RIMS1: variants seen among roughly 807,000 people sequenced by gnomAD.
RIMS1 encodes regulating synaptic membrane exocytosis protein 1.
A neutral mutation model predicts 214.1 loss-of-function variants in RIMS1; 83 were observed. The observed-to-expected ratio is 0.39, with a 90% CI of 0.32 to 0.47. The LOEUF (loss-of-function observed/expected upper bound fraction) is 0.47, where lower values mean the gene tolerates loss of function less well. RIMS1 is among the 20% of genes least tolerant of loss of function. The pLI is 0.99. For synonymous variants in RIMS1, 793 were observed against 786.8 expected, an observed-to-expected ratio of 1.01 and a Z score of -0.13; for missense variants, 2,050 against 2,161.8, an observed-to-expected ratio of 0.95 and a Z score of 1.03.
intron 1 of RIMS1, among the ~76,000 whole-genome samples, chr6:71,953,975 G>T (rs1270624091): frequency 1.3e-5 from 2 of 152,156 alleles, no homozygotes. Flanking sequence ...AACAGGGTTA[G>T]AACATAGTGA....
intron 2 of RIMS1, among the ~76,000 whole-genome samples, chr6:71,993,091 G>A (rs938484583): frequency 6.6e-6 from 1 of 152,148 alleles, no homozygotes; most frequent in African/African-American, 2.4e-5. Context: ...AGGAAAAATT[G>A]GATTTAATAA....
intron 1 of RIMS1, among the ~76,000 whole-genome samples, chr6:71,925,213 G>C (rs1781251268): frequency 6.6e-6 from 1 of 152,106 alleles, no homozygotes; most frequent in South Asian, 2.1e-4. Context: ...AATTGGATTT[G>C]TCAGTTTGGA....
At chr6:72,298,813 A>G (rs967387271) in intron 26 of RIMS1, among the ~76,000 whole-genome samples, 1 of 151,514 alleles carries the variant, frequency 6.6e-6, no homozygotes, top group Non-Finnish European at 1.5e-5. Flanking sequence ...TAAACCTTCT[A>G]CATCTGGCCT....
At chr6:72,064,972 T>C (rs1828917075) in intron 2 of RIMS1, among the ~76,000 whole-genome samples, 2 of 152,248 alleles carry the variant, frequency 1.3e-5, no homozygotes, top group Non-Finnish European at 2.9e-5. Flanking sequence ...AATATTGTTA[T>C]TCATTTTCAG....
intron 6 of RIMS1, among the ~76,000 whole-genome samples, chr6:72,212,237 C>T (rs1236559446): frequency 6.6e-6 from 1 of 151,482 alleles, no homozygotes; most frequent in Admixed American, 6.6e-5. Context: ...TAGGAATATG[C>T]ATCTCATTTA....
At chr6:72,030,448 G>A (rs906868071) in intron 2 of RIMS1, among the ~76,000 whole-genome samples, 2 of 152,070 alleles carry the variant, frequency 1.3e-5, no homozygotes, top group African/African-American at 4.8e-5. Context: ...TGAAAGTAAT[G>A]TATTAAAACA....
chr6:72,304,404 G>A (rs1036899251), intron 26 of RIMS1, among the ~76,000 whole-genome samples: 1 of 151,698 alleles, frequency 6.6e-6, no homozygotes, highest in Non-Finnish European at 1.5e-5. Flanking sequence ...TAAGATACTA[G>A]AGAGACAGTC....
rs751870012 is a variant in RIMS1 at position 71,919,896 on chromosome 6, G to A, written c.164+32709G>A. 2.4e-4 allele frequency among the ~76,000 whole-genome samples: 36 copies of A among 152,228 alleles called. No homozygotes were observed. The Middle Eastern group carries it at 0.01, about 43-fold the overall frequency. ...GATCCTTTGCAATTGATGGATGATA[G>A]CCAAACAACATAAGTAACAACAAGC... On this transcript the variant is annotated intron_variant, in intron 1 of 33. Coordinates refer to ENST00000521978, the MANE Select transcript of RIMS1 (RefSeq NM_014989.7).
chr6:71,932,324 G>A (rs945451185), intron 1 of RIMS1, among the ~76,000 whole-genome samples: 2 of 152,112 alleles, frequency 1.3e-5, no homozygotes, highest in Non-Finnish European at 2.9e-5. Context: ...GTTATTTGCA[G>A]GGAGATGGAT....
chr6:71,908,455 T>A (rs1186930568), intron 1 of RIMS1, among the ~76,000 whole-genome samples: 2 of 151,708 alleles, frequency 1.3e-5, no homozygotes, highest in African/African-American at 4.8e-5. Context: ...TGGAGAGGAG[T>A]GGTACAGATA....
At chr6:71,893,278 A>C (rs1336356704) in intron 1 of RIMS1, among the ~76,000 whole-genome samples, 1 of 150,444 alleles carries the variant, frequency 6.6e-6, no homozygotes, top group Non-Finnish European at 1.5e-5. Context: ...AAATGAGTTC[A>C]GGGCTTGGTC....
intron 29 of RIMS1, among the ~76,000 whole-genome samples, chr6:72,354,406 A>C (rs2097562285): frequency 6.6e-6 from 1 of 152,090 alleles, no homozygotes. Context: ...TTGTATGTAC[A>C]TAAAAGGTAT....
chr6:71,968,936 C>A (rs1795134653), intron 1 of RIMS1, 47 bp from the exon 2 acceptor site: 1 of 1,520,368 alleles, frequency 6.6e-7, no homozygotes, highest in Non-Finnish European at 9.1e-7. Context: ...TGTGTTCTAC[C>A]CTTTTTATAA....
intron 2 of RIMS1, among the ~76,000 whole-genome samples, chr6:72,087,179 A>G (rs1834873669): frequency 6.6e-6 from 1 of 152,138 alleles, no homozygotes; most frequent in Admixed American, 6.5e-5. Flanking sequence ...AAAATTACAA[A>G]CTTTATTTCT....
At chr6:71,957,374 T>A (rs1791597106) in intron 1 of RIMS1, among the ~76,000 whole-genome samples, 1 of 152,180 alleles carries the variant, frequency 6.6e-6, no homozygotes, top group South Asian at 2.1e-4. Context: ...CAGATTTCAG[T>A]AAACATTTTT....
intron 29 of RIMS1, among the ~76,000 whole-genome samples, chr6:72,388,714 G>T (rs2098654779): frequency 6.6e-6 from 1 of 152,170 alleles, no homozygotes; most frequent in Non-Finnish European, 1.5e-5. Context: ...AAGCCAAGAG[G>T]ATTCGCTGAT....
intron 1 of RIMS1, among the ~76,000 whole-genome samples, chr6:71,922,664 G>C (rs886623449): frequency 6.6e-6 from 1 of 152,070 alleles, no homozygotes; most frequent in Non-Finnish European, 1.5e-5. Context: ...AATGAAGTAA[G>C]GTATAAAAAA....
At position 71,886,918 on chromosome 6, in the gene RIMS1, G is replaced by C. The variant is rs1337896462; in HGVS notation, c.-106G>C. On this transcript the variant is annotated 5_prime_UTR_variant, in exon 1 of 34. Coordinates refer to ENST00000521978, the MANE Select transcript of RIMS1 (RefSeq NM_014989.7). ...CGCCGCTGCTCCTCCTCCTGCCGCC[G>C]CCGCTAGGGCTCCGCTGTGAGGGGG... The C allele has an allele frequency of 7.3e-7, 1 of 1,365,226 alleles. No homozygotes were observed. Among genetic ancestry groups the C allele is most frequent in the Non-Finnish European group, 1.0e-6 (1 of 997,422 alleles). The allele number at this position is 1,365,226 out of a possible 1,614,324, so 84.6% of individuals were successfully genotyped here.
At chr6:72,167,723 A>G (rs908252578) in intron 4 of RIMS1, among the ~76,000 whole-genome samples, 3 of 151,992 alleles carry the variant, frequency 2.0e-5, no homozygotes, top group Non-Finnish European at 2.9e-5. Flanking sequence ...ATTGACATAC[A>G]GTTGTTCATA....
Sources: allele counts gnomAD v4.1 joint callset (sites outside exome capture counted in the v4.1 genomes callset), GRCh38; gene constraint gnomAD v4.1.1; transcripts MANE v1.5; gene names NCBI Gene and HGNC (gene_info 2026-07-23, HGNC 2026-07-21).